Variants in YTHDC1 observed in about 807,000 individuals in gnomAD.
YTHDC1 encodes the protein YTH N6-methyladenosine RNA binding protein C1, also known as YTH domain-containing protein 1.
A neutral mutation model predicts 107.0 loss-of-function variants in YTHDC1; 12 were observed. The ratio of observed to expected loss-of-function variants is 0.11; its 90% confidence interval spans 0.07 to 0.18. The LOEUF is 0.18. Ranked by LOEUF, YTHDC1 falls within the 10% of genes least tolerant of loss-of-function variation. YTHDC1 has a pLI of 1.00. For synonymous variants in YTHDC1, 280 were observed against 289.5 expected (o/e 0.97, Z 0.33); for missense variants, 635 against 898.8 (o/e 0.71, Z 3.75).
At position 68,349,827 on chromosome 4, in the gene YTHDC1, G is replaced by A; in HGVS notation, c.-74C>T. The A allele has an allele frequency of 2.5e-6, 4 of 1,605,578 alleles. No homozygotes were observed. The highest frequency in any genetic ancestry group is 3.4e-5 in the Admixed American group (2 of 59,472). On this transcript the variant is annotated 5_prime_UTR_variant, in exon 1 of 17. Coordinates refer to ENST00000344157, the MANE Select transcript of YTHDC1 (RefSeq NM_001031732.4). ...CGACTCGCGCGGGCGCCGCAGCCGC[G>A]GCAGAAGCACGGGCCCGTCCGTCAG... is the stretch of plus-strand genomic sequence containing the variant.
Position 68,318,809 on chromosome 4 carries a change from G to A in YTHDC1, c.1721+17C>T. On this transcript the variant is annotated intron_variant, in intron 13 of 16. Coordinates refer to ENST00000344157, the MANE Select transcript of YTHDC1 (RefSeq NM_001031732.4). ...AAGAATGTAATTCAAAACTAGGCAA[G>A]AGTGAACCCGACTTACCTGTCCACT... 1 of 1,614,108 alleles carries A rather than the reference G, an allele frequency of 6.2e-7. No individual in the cohort carries two copies. The highest frequency in any genetic ancestry group is 8.5e-7 in the Non-Finnish European group (1 of 1,179,988).
chr4:68,324,044 T>C, intron 10 of YTHDC1, 95 bp downstream of exon 10: 1 of 1,137,622 alleles, frequency 8.8e-7, no homozygotes, highest in Non-Finnish European at 1.3e-6. Context: ...ACGTGGTCTC[T>C]TTCATCAGAA....
intron 12 of YTHDC1, 128 bp downstream of exon 12, chr4:68,319,995 G>T: frequency 1.3e-6 from 1 of 743,468 alleles, no homozygotes; most frequent in Non-Finnish European, 2.2e-6. Flanking sequence ...AATTTCTCAA[G>T]ATTTAAGTAG....
chr4:68,327,976 C>A (rs1723178763), intron 9 of YTHDC1, among the ~76,000 whole-genome samples: 1 of 152,116 alleles, frequency 6.6e-6, no homozygotes, highest in African/African-American at 2.4e-5. Flanking sequence ...AAGCACTTTA[C>A]TGCCCACAAT....
rs1721261493 is a variant in YTHDC1, at chr4:68,310,953, T to C, written c.*3146A>G. The C allele has an allele frequency of 1.3e-5, 2 of 152,124 alleles. No individual in the cohort carries two copies. Among genetic ancestry groups the C allele is most frequent in the African/African-American group, 4.8e-5 (2 of 41,392 alleles). The allele number at this position is 152,124 out of a possible 1,614,324, so 9.4% of individuals were successfully genotyped here. On this transcript the variant is annotated 3_prime_UTR_variant, in exon 17 of 17. Coordinates refer to ENST00000344157, the MANE Select transcript of YTHDC1 (RefSeq NM_001031732.4). The stretch of plus-strand genomic sequence containing the variant: ...TGTGATGGCAAAATACTCTGAAAAG[T>C]CAAACATTCAGGTGTTATAACTTGT...
intron 9 of YTHDC1, among the ~76,000 whole-genome samples, chr4:68,324,570 A>T (rs374088294): frequency 2.0e-5 from 3 of 152,190 alleles, no homozygotes; most frequent in South Asian, 4.1e-4. Flanking sequence ...ATGACACAGA[A>T]AATATTTAGT....
chr4:68,346,202 G>A (rs1224377251), intron 1 of YTHDC1, among the ~76,000 whole-genome samples: 1 of 151,622 alleles, frequency 6.6e-6, no homozygotes, highest in Non-Finnish European at 1.5e-5. Flanking sequence ...GACTGCTTAA[G>A]CCCGGGAGTT....
chr4:68,329,804 C>G (rs1723378612), intron 9 of YTHDC1, among the ~76,000 whole-genome samples, 198 bp downstream of exon 9: 1 of 152,180 alleles, frequency 6.6e-6, no homozygotes, highest in Non-Finnish European at 1.5e-5. Context: ...TCATTTACTG[C>G]TTTATTACTA....
rs371554827 is a variant in YTHDC1, at chr4:68,337,491, G to T, written c.460-41C>A. Reference sequence around the variant, plus strand: ...AAAGGGAATCAGCAGTCATATAAAAGACAAGGTCAGGGTGAATAAACAGTT... The same window carrying T: ...AAAGGGAATCAGCAGTCATATAAAATACAAGGTCAGGGTGAATAAACAGTT... On this transcript the variant is annotated intron_variant, in intron 3 of 16. Coordinates refer to ENST00000344157, the MANE Select transcript of YTHDC1 (RefSeq NM_001031732.4). 2.1e-5 allele frequency: 33 copies of T among 1,605,380 alleles called. No individual in the cohort carries two copies. In the African/African-American group the frequency reaches 3.4e-4, roughly 16 times the overall value.
chr4:68,342,005 A>T (rs1724856641), intron 1 of YTHDC1, among the ~76,000 whole-genome samples: 1 of 152,192 alleles, frequency 6.6e-6, no homozygotes, highest in Non-Finnish European at 1.5e-5. Flanking sequence ...CTTGCTAATG[A>T]CTGGGCTATG....
Position 68,322,981 on chromosome 4 carries a change from G to C in YTHDC1, c.1435-66C>G. 2.0e-6 allele frequency: 3 copies of C among 1,520,788 alleles called. No homozygotes were observed. Among genetic ancestry groups the C allele is most frequent in the Non-Finnish European group, 2.7e-6 (3 of 1,117,780 alleles). The allele number at this position is 1,520,788 out of a possible 1,614,324, so 94.2% of individuals were successfully genotyped here. A position where few individuals can be genotyped will look rare whatever the true frequency, so the allele number is the denominator to read the frequency against. ...CCTTTCAACAGACTTGCATTTTCCT[G>C]ATGTACCAGAACAAAAACTGACTTG... On this transcript the variant is annotated intron_variant, in intron 10 of 16. Transcript: ENST00000344157. The surrounding 1 kb of genome is among the most constrained non-coding windows in gnomAD (Gnocchi z 4.8).
intron 1 of YTHDC1, among the ~76,000 whole-genome samples, chr4:68,343,348 G>A (rs1195471028): frequency 6.6e-6 from 1 of 151,050 alleles, no homozygotes; most frequent in Non-Finnish European, 1.5e-5. Flanking sequence ...ACAGAGGCCC[G>A]CCACACCATG....
intron 15 of YTHDC1, 115 bp downstream of exon 15, chr4:68,318,404 G>C: frequency 2.8e-6 from 3 of 1,067,196 alleles, no homozygotes; most frequent in Non-Finnish European, 4.0e-6. Context: ...CACGGCGCCT[G>C]GCCAGTTTAA....
chr4:68,349,812 G>A lies in YTHDC1; in HGVS notation c.-59C>T. 1 of 1,609,692 alleles carries A rather than the reference G, an allele frequency of 6.2e-7. No homozygotes were observed. Among genetic ancestry groups the A allele is most frequent in the Non-Finnish European group, 8.5e-7 (1 of 1,178,006 alleles). ...GCCGCCGCTTAGACGCGACTCGCGC[G>A]GGCGCCGCAGCCGCGGCAGAAGCAC... On this transcript the variant is annotated 5_prime_UTR_variant, in exon 1 of 17. Coordinates refer to ENST00000344157, the MANE Select transcript of YTHDC1 (RefSeq NM_001031732.4).
intron 5 of YTHDC1, 76 bp from the exon 6 acceptor site, chr4:68,332,923 A>G (rs1279063934): frequency 1.6e-6 from 2 of 1,284,480 alleles, no homozygotes; most frequent in Non-Finnish European, 2.2e-6. Flanking sequence ...GTCTTGTCAC[A>G]TAAAATTCTC....
intron 12 of YTHDC1, 81 bp from the exon 13 acceptor site, chr4:68,318,943 C>T (rs1049937306): frequency 1.6e-5 from 23 of 1,410,156 alleles, no homozygotes; most frequent in Non-Finnish European, 2.0e-5. Flanking sequence ...CCTTACCACT[C>T]GTTTCAATTC....
In YTHDC1 at chr4:68,349,782, C is replaced by G. The variant is rs1308493236; in HGVS notation, c.-29G>C. Reference sequence around the variant, plus strand: ...TCCCCTTCGGTTTCCGCCGCTGCCACCGCCGCCGCCGCTTAGACGCGACTC... The same window carrying G: ...TCCCCTTCGGTTTCCGCCGCTGCCAGCGCCGCCGCCGCTTAGACGCGACTC... On this transcript the variant is annotated 5_prime_UTR_variant, in exon 1 of 17. Transcript: ENST00000344157. 11 of 1,611,990 alleles carry G rather than the reference C, an allele frequency of 6.8e-6. No homozygotes were observed. Among genetic ancestry groups the G allele is most frequent in the Non-Finnish European group, 9.3e-6 (11 of 1,179,452 alleles).
At chr4:68,339,955 T>C (rs1724633657) in intron 1 of YTHDC1, among the ~76,000 whole-genome samples, 1 of 152,184 alleles carries the variant, frequency 6.6e-6, no homozygotes, top group Non-Finnish European at 1.5e-5. Flanking sequence ...AATTTTAAAA[T>C]GTACTAATGC....
intron 2 of YTHDC1, 62 bp from the exon 3 acceptor site, chr4:68,337,962 A>G (rs930744136): frequency 2.6e-6 from 4 of 1,536,726 alleles, no homozygotes; most frequent in African/African-American, 2.8e-5. Flanking sequence ...TTATTTCACC[A>G]AAGACTGACA....
Sources: gnomAD v4.1 joint callset for allele counts (sites outside exome capture counted in the v4.1 genomes callset) on GRCh38, gnomAD v4.1.1 for gene constraint, Gnocchi (gnomAD v3.1) non-coding constraint, MANE v1.5 for transcripts, NCBI Gene and HGNC (gene_info 2026-07-23, HGNC 2026-07-21) for gene names.